The following TMEM108 variants were observed in gnomAD, a reference collection of about 807,000 sequenced individuals.
TMEM108 encodes cancer/testis antigen 124.
TMEM108 carries 12 observed loss-of-function variants against 35.1 expected under a neutral mutation model. The ratio of observed to expected loss-of-function variants is 0.34; its 90% CI spans 0.22 to 0.55. The LOEUF (loss-of-function observed/expected upper bound fraction) is 0.55. Ranked by LOEUF, TMEM108 falls within the 20% of genes least tolerant of loss-of-function variation. The pLI is 0.89. For missense variants in TMEM108, 680 were observed against 753.3 expected (o/e 0.90, Z 1.14); for synonymous variants, 287 against 308.6 (o/e 0.93, Z 0.73).
At chr3:133,192,106 C>G (rs1191038580) in intron 2 of TMEM108, among the ~76,000 whole-genome samples, 1 of 152,124 alleles carries the variant, frequency 6.6e-6, no homozygotes, top group Non-Finnish European at 1.5e-5. Context: ...CAAGCTCTGA[C>G]AGCTTGAAGA....
At chr3:133,109,551 C>G (rs1944201003) in intron 2 of TMEM108, among the ~76,000 whole-genome samples, 1 of 152,142 alleles carries the variant, frequency 6.6e-6, no homozygotes, top group South Asian at 2.1e-4. Context: ...GAGAATAGGG[C>G]AAACGTTACA....
chr3:133,101,615 A>G (rs1363877452), intron 2 of TMEM108, among the ~76,000 whole-genome samples: 3 of 152,236 alleles, frequency 2.0e-5, no homozygotes, highest in African/African-American at 7.2e-5. Context: ...CTGAGGCATG[A>G]TTTTTAAATT....
intron 2 of TMEM108, among the ~76,000 whole-genome samples, chr3:133,094,673 G>A (rs1213676923): frequency 1.3e-5 from 2 of 152,222 alleles, no homozygotes; most frequent in Non-Finnish European, 2.9e-5. Flanking sequence ...ATAGTTAGCA[G>A]TTTCTCAGCC....
chr3:133,107,221 A>G (rs927562298), intron 2 of TMEM108, among the ~76,000 whole-genome samples: 1 of 152,188 alleles, frequency 6.6e-6, no homozygotes, highest in Admixed American at 6.5e-5. Context: ...AAGAAATTAA[A>G]TACCCCCCAA....
intron 2 of TMEM108, among the ~76,000 whole-genome samples, chr3:133,181,157 C>A (rs1945338211): frequency 6.6e-6 from 1 of 151,910 alleles, no homozygotes; most frequent in South Asian, 2.1e-4. Context: ...TCATCATCAG[C>A]CTCGTTATTG....
intron 3 of TMEM108, among the ~76,000 whole-genome samples, chr3:133,358,264 C>T (rs1213264029): frequency 6.6e-6 from 1 of 151,872 alleles, no homozygotes; most frequent in Admixed American, 6.6e-5. Flanking sequence ...CTCTGCCTCC[C>T]AGGTTCAAGC....
At chr3:133,130,550 T>C (rs529605473) in intron 2 of TMEM108, among the ~76,000 whole-genome samples, 1 of 152,284 alleles carries the variant, frequency 6.6e-6, no homozygotes, top group Admixed American at 6.5e-5. Flanking sequence ...GCTCAGCACA[T>C]GACCCAAGAG....
intron 3 of TMEM108, among the ~76,000 whole-genome samples, chr3:133,298,066 C>A (rs1947170717): frequency 6.6e-6 from 1 of 152,248 alleles, no homozygotes. Context: ...TCCTGCCCTC[C>A]CCTGATGAGC....
chr3:133,167,389 C>A (rs547851486), intron 2 of TMEM108, among the ~76,000 whole-genome samples: 6 of 152,392 alleles, frequency 3.9e-5, no homozygotes, highest in African/African-American at 1.4e-4. Flanking sequence ...CAGTCCCGCG[C>A]TGTGCGCCCG....
intron 2 of TMEM108, among the ~76,000 whole-genome samples, chr3:133,064,778 G>T (rs1307796508): frequency 1.3e-5 from 2 of 151,554 alleles, no homozygotes; most frequent in African/African-American, 2.4e-5. Flanking sequence ...AGTAGGGGAA[G>T]ATAATGCTGA....
In TMEM108 at chr3:133,380,241, G is replaced by A. The variant is rs376909585; in HGVS notation, c.530G>A (p.Gly177Asp). The change falls in exon 4 of 6, where the codon GGT becomes GAT. Residue 177 changes from glycine to aspartate, a missense_variant. This residue lies in a region of TMEM108 where 526 missense variants were observed against 532.1 expected (regional missense o/e 0.99). Transcript: ENST00000321871. The surrounding 1 kb of genome is among the most constrained non-coding windows in gnomAD (Gnocchi z 5.3). Reference protein sequence around the residue: ...RPPGSSRKGAGNSSRPVPPAP... With the variant: ...RPPGSSRKGADNSSRPVPPAP... Reference sequence around the variant, plus strand: ...CCAGGCTCTTCCCGAAAAGGGGCTGGTAATTCATCACGCCCTGTCCCGCCT... The same window carrying A: ...CCAGGCTCTTCCCGAAAAGGGGCTGATAATTCATCACGCCCTGTCCCGCCT... 52 of 1,613,640 alleles carry A rather than the reference G, an allele frequency of 3.2e-5. No individual in the cohort carries two copies. In the Admixed American group the frequency reaches 6.5e-4, roughly 20 times the overall value.
intron 3 of TMEM108, among the ~76,000 whole-genome samples, chr3:133,341,510 G>A (rs984508663): frequency 7.9e-5 from 12 of 151,744 alleles, no homozygotes; most frequent in Non-Finnish European, 1.2e-4. Flanking sequence ...AAATACCAAT[G>A]ACATTCTTCA....
intron 2 of TMEM108, among the ~76,000 whole-genome samples, chr3:133,081,264 G>T (rs1559826418): frequency 1.3e-5 from 2 of 152,160 alleles, no homozygotes; most frequent in Admixed American, 1.3e-4. Flanking sequence ...TTGAGATCAG[G>T]GTACCAGTAT....
intron 2 of TMEM108, among the ~76,000 whole-genome samples, chr3:133,140,234 A>T (rs903898346): frequency 1.3e-5 from 2 of 152,168 alleles, no homozygotes; most frequent in Non-Finnish European, 2.9e-5. Context: ...GTTTTCTTTA[A>T]AACTTATTTT....
At chr3:133,375,577 G>A (rs191751525) in intron 3 of TMEM108, among the ~76,000 whole-genome samples, 8 of 152,296 alleles carry the variant, frequency 5.3e-5, no homozygotes, top group African/African-American at 1.9e-4. Flanking sequence ...ATTTGCATGT[G>A]TTAGGGAAGC....
At chr3:133,240,805 G>A (rs192412814) in intron 3 of TMEM108, among the ~76,000 whole-genome samples, 1 of 152,260 alleles carries the variant, frequency 6.6e-6, no homozygotes, top group Admixed American at 6.5e-5. Flanking sequence ...AATGGGTAGG[G>A]TATAAAAACA....
At position 133,380,941 on chromosome 3, in the gene TMEM108, G is replaced by A. The variant is rs2072994372; in HGVS notation, c.1230G>A (p.Met410Ile). Residue 410 changes from methionine to isoleucine, a missense_variant, in exon 4 of 6, where the codon ATG becomes ATA. Coordinates refer to ENST00000321871, the MANE Select transcript of TMEM108 (RefSeq NM_023943.4). This position sits in a 1 kb window ranked among gnomAD's most constrained non-coding sequence, Gnocchi z 5.3. ...AGGAGACTGTGGCCACCCTCACCAT[G>A]ACCGACCGGGTGCCCAGTCCTCTCT... ...AKEETVATLT[M>I]TDRVPSPLST... The A allele has an allele frequency of 6.2e-6, 10 of 1,614,026 alleles. No homozygotes were observed. The highest frequency in any genetic ancestry group is 6.8e-6 in the Non-Finnish European group (8 of 1,180,036).
chr3:133,141,655 C>T (rs1483735158), intron 2 of TMEM108, among the ~76,000 whole-genome samples: 2 of 152,154 alleles, frequency 1.3e-5, no homozygotes, highest in African/African-American at 4.8e-5. Context: ...AAGGAGATGT[C>T]ATTGTCTCTA....
chr3:133,119,537 T>C (rs1944327256), intron 2 of TMEM108: 1 of 152,246 alleles, frequency 6.6e-6, no homozygotes, highest in African/African-American at 2.4e-5. Context: ...TTGTTTTATC[T>C]ATGAAGAAAG....
Sources: gnomAD v4.1 joint callset for allele counts (sites outside exome capture counted in the v4.1 genomes callset) on GRCh38, gnomAD v4.1.1 for gene constraint, gnomAD v4.1.1 regional missense constraint, Gnocchi (gnomAD v3.1) non-coding constraint, MANE v1.5 for transcripts, NCBI Gene and HGNC (gene_info 2026-07-23, HGNC 2026-07-21) for gene names.